SOS1: variants seen among roughly 807,000 people sequenced by gnomAD.
The protein encoded by SOS1 is SOS Ras/Rac guanine nucleotide exchange factor 1, also known as son of sevenless homolog 1.
Under a neutral mutation model 157.6 loss-of-function variants are expected in SOS1, and 25 were observed. The ratio of observed to expected loss-of-function variants is 0.16; its 90% CI spans 0.12 to 0.22. SOS1 has a LOEUF of 0.22. Among genes scored for constraint, SOS1 ranks in the 10% least tolerant of loss-of-function variants. SOS1 has a pLI of 1.00. For synonymous variants in SOS1, 528 were observed against 534.0 expected, an observed-to-expected ratio of 0.99 and a Z score of 0.16; for missense variants, 1,237 against 1,599.1, an observed-to-expected ratio of 0.77 and a Z score of 3.86.
intron 1 of SOS1, among the ~76,000 whole-genome samples, chr2:39,107,026 C>G (rs1018700185): frequency 2.6e-5 from 4 of 151,884 alleles, no homozygotes; most frequent in Non-Finnish European, 1.5e-5. Flanking sequence ...AATTGTGTAC[C>G]ATTAATTTCA....
chr2:39,025,143 G>T (rs140523473), intron 8 of SOS1, among the ~76,000 whole-genome samples: 118 of 152,326 alleles, frequency 7.7e-4, no homozygotes, highest in African/African-American at 2.4e-3. Context: ...AATGGCCTAT[G>T]CCTATAATCT....
At chr2:39,007,812 CACAT>C (rs1444141791) in intron 15 of SOS1, among the ~76,000 whole-genome samples, 1 of 151,708 alleles carries the variant, frequency 6.6e-6, no homozygotes, top group Non-Finnish European at 1.5e-5. Flanking sequence ...TATTAAAACA[CACAT>C]ACACACAAAC....
chr2:39,052,488 G>A (rs1392833654), intron 5 of SOS1, among the ~76,000 whole-genome samples: 2 of 152,052 alleles, frequency 1.3e-5, no homozygotes, highest in African/African-American at 2.4e-5. Context: ...CTCACTCCCA[G>A]GAAACCTGTG....
At position 38,982,848 on chromosome 2, in the gene SOS1, A is replaced by C. The variant is rs1668443341; in HGVS notation, c.*2976T>G. 1 of 152,150 alleles carries C rather than the reference A, an allele frequency of 6.6e-6. No individual in the cohort carries two copies. The highest frequency in any genetic ancestry group is 1.5e-5 in the Non-Finnish European group (1 of 68,006). The allele number at this position is 152,150 out of a possible 1,614,324, so 9.4% of individuals were successfully genotyped here. A position where few individuals can be genotyped will look rare whatever the true frequency, so the allele number is the denominator to read the frequency against. On this transcript the variant is annotated 3_prime_UTR_variant, in exon 23 of 23. Transcript: ENST00000402219. ...ATTTTTGATTTATGGAGGGAAAAAA[A>C]CCTTTAAGAATTTAGAATCATAATA...
At chr2:39,123,353 C>CTT (rs1211540543), upstream of SOS1, among the ~76,000 whole-genome samples, 29 of 141,668 alleles carry the variant, frequency 2.0e-4, no homozygotes, top group South Asian at 1.6e-3. Context: ...GAGAAACAAT[C>CTT]TTTTTTTTTT....
intron 6 of SOS1, among the ~76,000 whole-genome samples, chr2:39,040,349 A>G (rs1441395477): frequency 2.0e-5 from 3 of 152,252 alleles, no homozygotes; most frequent in Middle Eastern, 3.4e-3. Context: ...AAATATACAC[A>G]TGAAAATTTC....
In SOS1 at chr2:39,058,874, T is replaced by G; in HGVS notation, c.214-70A>C. On this transcript the variant is annotated intron_variant, in intron 2 of 22. Coordinates refer to ENST00000402219, the MANE Select transcript of SOS1 (RefSeq NM_005633.4). Reference sequence around the variant, plus strand: ...TAGTGCTCTTCACTTAAAATTTACTTTTAAAATCAAAGAATACCAAAAGTA... The same window carrying G: ...TAGTGCTCTTCACTTAAAATTTACTGTTAAAATCAAAGAATACCAAAAGTA... 3 of 1,279,342 alleles carry G rather than the reference T, an allele frequency of 2.3e-6. No homozygotes were observed. In the Middle Eastern group the frequency reaches 6.2e-4, roughly 263 times the overall value. The allele number at this position is 1,279,342 out of a possible 1,614,324, so 79.2% of individuals were successfully genotyped here. A position where few individuals can be genotyped will look rare whatever the true frequency, so the allele number is the denominator to read the frequency against.
chr2:39,037,091 C>T (rs1670382673), intron 6 of SOS1, among the ~76,000 whole-genome samples: 1 of 152,254 alleles, frequency 6.6e-6, no homozygotes, highest in Non-Finnish European at 1.5e-5. Flanking sequence ...ATACTGGATT[C>T]CTTGAGCTGG....
rs896094870 is a variant in SOS1, at chr2:38,996,354, T to C, written c.3081+568A>G. Among the ~76,000 whole-genome samples, 20 of 152,184 alleles carry C rather than the reference T, an allele frequency of 1.3e-4. 1 individual carries two copies. The highest frequency in any genetic ancestry group is 1.3e-3 in the Admixed American group (20 of 15,278). On this transcript the variant is annotated intron_variant, in intron 19 of 22. Coordinates refer to ENST00000402219, the MANE Select transcript of SOS1 (RefSeq NM_005633.4). ...ATCCACCCGCCTCAGCTTCCCAAAGTGTTGGGATTACAGGCACGAGCCACC... is the reference window on the plus strand; with the variant it reads ...ATCCACCCGCCTCAGCTTCCCAAAGCGTTGGGATTACAGGCACGAGCCACC...
intron 6 of SOS1, among the ~76,000 whole-genome samples, chr2:39,039,761 T>C (rs530875887): frequency 5.9e-5 from 9 of 152,328 alleles, no homozygotes; most frequent in African/African-American, 2.2e-4. Flanking sequence ...TCATAATCTA[T>C]TTTGGAATAT....
intron 1 of SOS1, among the ~76,000 whole-genome samples, chr2:39,113,175 G>A (rs964710966): frequency 6.6e-6 from 1 of 152,056 alleles, no homozygotes; most frequent in African/African-American, 2.4e-5. Flanking sequence ...GCCAGAGGTA[G>A]CATCACTTAG....
intron 10 of SOS1, among the ~76,000 whole-genome samples, chr2:39,016,502 G>A (rs1226597014): frequency 6.6e-6 from 1 of 151,992 alleles, no homozygotes; most frequent in East Asian, 1.9e-4. Context: ...GATTTTTATC[G>A]GTTTCATCAC....
At position 39,045,251 on chromosome 2, in the gene SOS1, A is replaced by AGGGAGAGG. The variant is rs879415259; in HGVS notation, c.864+5892_864+5893insCCTCTCCC. ...GGGAATGAGAGAGAGAGGGAGAGAG[A>AGGGAGAGG]GAGAGAGAGAGAGAGAGAGAGAGTG... On this transcript the variant is annotated intron_variant, in intron 6 of 22. Coordinates refer to ENST00000402219, the MANE Select transcript of SOS1 (RefSeq NM_005633.4). Among the ~76,000 whole-genome samples the AGGGAGAGG allele has an allele frequency of 2.2e-3, 260 of 120,062 alleles. 2 individuals carry two copies. Among genetic ancestry groups the AGGGAGAGG allele is most frequent in the African/African-American group, 7.2e-3 (246 of 34,296 alleles). The allele number at this position is 120,062 out of a possible 152,430, so 78.8% of individuals were successfully genotyped here.
chr2:39,115,406 CTTTTTTTTTTTTT>C (rs550526461), intron 1 of SOS1, among the ~76,000 whole-genome samples: 1 of 64,046 alleles, frequency 1.6e-5, no homozygotes, highest in Non-Finnish European at 2.9e-5. Flanking sequence ...TGTTCTCTCT[CTTTTTTTTTTTTT>C]TTTTTTTTTT....
chr2:39,040,518 C>A (rs755822300), intron 6 of SOS1, among the ~76,000 whole-genome samples: 3 of 152,114 alleles, frequency 2.0e-5, no homozygotes, highest in Non-Finnish European at 4.4e-5. Context: ...TTGGTAACTT[C>A]TATTTTCTGT....
intron 10 of SOS1, among the ~76,000 whole-genome samples, chr2:39,015,818 T>A (rs1328398553): frequency 1.3e-5 from 2 of 150,180 alleles, no homozygotes; most frequent in Non-Finnish European, 3.0e-5. Context: ...TTTTTTTTTT[T>A]TTTTTTTTAA....
chr2:39,011,536 A>G (rs71439239), intron 14 of SOS1, among the ~76,000 whole-genome samples: 2,663 of 152,242 alleles, frequency 0.017, 40 homozygotes, highest in Non-Finnish European at 0.029. Context: ...TTTCAGTGGG[A>G]GATCTATAAA....
intron 17 of SOS1, among the ~76,000 whole-genome samples, chr2:39,006,135 TTTA>T (rs1669276132): frequency 1.3e-5 from 2 of 152,156 alleles, no homozygotes; most frequent in South Asian, 4.1e-4. Context: ...CTGTATTTAG[TTTA>T]TTAAAATGCA....
intron 10 of SOS1, among the ~76,000 whole-genome samples, chr2:39,020,424 C>A (rs1461849293): frequency 2.0e-5 from 3 of 151,638 alleles, no homozygotes; most frequent in Non-Finnish European, 3.0e-5. Flanking sequence ...TATCCAATGT[C>A]TTTTATTACA....
Sources: allele counts gnomAD v4.1 joint callset (sites outside exome capture counted in the v4.1 genomes callset), GRCh38; gene constraint gnomAD v4.1.1; transcripts MANE v1.5; gene names NCBI Gene and HGNC (gene_info 2026-07-23, HGNC 2026-07-21).